SLC7A13: variants seen among roughly 807,000 people sequenced by gnomAD.
SLC7A13 encodes the protein solute carrier family 7 member 13.
SLC7A13 carries 31 observed loss-of-function variants against 32.0 expected under a neutral mutation model. That is an observed-to-expected ratio of 0.97 (90% confidence interval 0.73 to 1.31). The LOEUF is 1.31. SLC7A13 is among the 50% of genes most tolerant of loss of function. The pLI is 0.00. For missense variants in SLC7A13, 633 were observed against 546.9 expected, an observed-to-expected ratio of 1.16 and a Z score of -1.57; for synonymous variants, 232 against 206.9, an observed-to-expected ratio of 1.12 and a Z score of -1.04.
At chr8:86,224,292 T>A (rs976434683) in intron 1 of SLC7A13, among the ~76,000 whole-genome samples, 5 of 152,138 alleles carry the variant, frequency 3.3e-5, no homozygotes, top group African/African-American at 1.2e-4. Context: ...TCTACTCTCT[T>A]ATGTGGAATG....
intron 1 of SLC7A13, among the ~76,000 whole-genome samples, chr8:86,229,191 A>G (rs1297087286): frequency 6.6e-6 from 1 of 152,222 alleles, no homozygotes; most frequent in Admixed American, 6.5e-5. Flanking sequence ...GTAAATAAAA[A>G]TACTTAGAGC....
chr8:86,223,726 A>G (rs1820342842), intron 1 of SLC7A13, among the ~76,000 whole-genome samples: 1 of 151,712 alleles, frequency 6.6e-6, no homozygotes, highest in African/African-American at 2.4e-5. Flanking sequence ...ACATTGCTCC[A>G]TGTGTCAACA....
At chr8:86,222,153 A>G (rs1312573568) in intron 2 of SLC7A13, among the ~76,000 whole-genome samples, 2 of 152,092 alleles carry the variant, frequency 1.3e-5, no homozygotes, top group Admixed American at 6.6e-5. Flanking sequence ...TTATATCAAA[A>G]TCTCCCTTAG....
intron 2 of SLC7A13, among the ~76,000 whole-genome samples, chr8:86,221,908 A>G (rs1820303605): frequency 6.6e-6 from 1 of 152,162 alleles, no homozygotes; most frequent in African/African-American, 2.4e-5. Flanking sequence ...AGCCCCAACC[A>G]CACCCACAAT....
At position 86,229,758 on chromosome 8, in the gene SLC7A13, T is replaced by C. The variant is rs140320705; in HGVS notation, c.520A>G (p.Ile174Val). 6.2e-7 allele frequency: 1 copy of C among 1,614,182 alleles called. No homozygotes were observed. The highest frequency in any genetic ancestry group is 1.1e-5 in the South Asian group (1 of 91,084). Residue 174 changes from isoleucine (I) to valine (V), a missense_variant, in exon 1 of 4, where the codon ATT becomes GTT. By Grantham distance (29) the Ile-to-Val change is conservative. Coordinates refer to ENST00000297524, the MANE Select transcript of SLC7A13 (RefSeq NM_138817.3). ...SVLKVSILSF[I>V]SLTGVVFLIR... Reference sequence around the variant, plus strand: ...AGGAACACTACTCCAGTTAGGGAAATGAAGCTAAGTATGGACACTTTCAGC... The same window carrying C: ...AGGAACACTACTCCAGTTAGGGAAACGAAGCTAAGTATGGACACTTTCAGC...
At position 86,230,237 on chromosome 8, in the gene SLC7A13, C is replaced by A. The variant is rs747518558; in HGVS notation, c.41G>T (p.Gly14Val). 9 of 1,612,488 alleles carry A rather than the reference C, an allele frequency of 5.6e-6. No individual in the cohort carries two copies. The South Asian group carries it at 9.9e-5, about 18-fold the overall frequency. The change falls in exon 1 of 4, where the codon GGA becomes GTA. Residue 14 changes from glycine (G) to valine (V), a missense_variant. Physicochemically the swap from Gly to Val is moderately radical, Grantham distance 109. Transcript: ENST00000297524. ...GEKIQLKRVF[G>V]YWWGTSFLLI... is the part of the protein sequence containing the mutation. ...CAAAAAACTTGTGCCCCACCAATAT[C>A]CAAACACTCTCTTGAGCTGTATTTT...
chr8:86,223,142 A>C (rs755280930), intron 1 of SLC7A13, 39 bp from the exon 2 acceptor site: 1 of 1,519,234 alleles, frequency 6.6e-7, no homozygotes, highest in South Asian at 1.3e-5. Flanking sequence ...ATTGGTAAAC[A>C]TTATTTCTAA....
At chr8:86,219,676 T>C (rs1820255144) in intron 2 of SLC7A13, among the ~76,000 whole-genome samples, 1 of 152,212 alleles carries the variant, frequency 6.6e-6, no homozygotes, top group Non-Finnish European at 1.5e-5. Context: ...TGCTTTTTCA[T>C]GTTCATCTTG....
chr8:86,224,516 C>CA (rs904425671), intron 1 of SLC7A13, among the ~76,000 whole-genome samples: 6 of 152,004 alleles, frequency 3.9e-5, no homozygotes, highest in Admixed American at 6.6e-5. Context: ...ATATTAAGTG[C>CA]AAAAAAAGGC....
At chr8:86,219,187 C>A (rs1253243230) in intron 2 of SLC7A13, among the ~76,000 whole-genome samples, 1 of 152,050 alleles carries the variant, frequency 6.6e-6, no homozygotes, top group Non-Finnish European at 1.5e-5. Context: ...TCCTGGACAC[C>A]CATACCTCCA....
At chr8:86,227,433 A>C (rs1820406421) in intron 1 of SLC7A13, among the ~76,000 whole-genome samples, 2 of 152,236 alleles carry the variant, frequency 1.3e-5, no homozygotes, top group African/African-American at 4.8e-5. Context: ...TTTGAAAATG[A>C]AAAGATGAAA....
At chr8:86,227,053 A>G (rs549717447) in intron 1 of SLC7A13, among the ~76,000 whole-genome samples, 1 of 152,334 alleles carries the variant, frequency 6.6e-6, no homozygotes, top group Admixed American at 6.5e-5. Context: ...GAAAGGAGAA[A>G]ACACTTGCTA....
intron 1 of SLC7A13, among the ~76,000 whole-genome samples, chr8:86,224,420 A>T (rs929378168): frequency 6.6e-6 from 1 of 152,094 alleles, no homozygotes; most frequent in African/African-American, 2.4e-5. Flanking sequence ...CCTATTATAC[A>T]TTTCTCATAC....
In SLC7A13 at chr8:86,217,487, G is replaced by C. The variant is rs747879978; in HGVS notation, c.1162C>G (p.Leu388Val). The part of the protein sequence containing the change: ...ILRRRYQEPN[L>V]SIPYKVFLSF... The stretch of plus-strand genomic sequence containing the variant: ...AATTTTACCTTATAAGGTATAGATA[G>C]ATTGGGTTCCTGGTATCTCCGCCTT... Residue 388 changes from leucine (L) to valine (V), a missense_variant, in exon 3 of 4, where the codon CTA becomes GTA. Coordinates refer to ENST00000297524, the MANE Select transcript of SLC7A13 (RefSeq NM_138817.3). The C allele has an allele frequency of 1.3e-6, 2 of 1,583,282 alleles. No individual in the cohort carries two copies. The highest frequency in any genetic ancestry group is 1.9e-5 in the Admixed American group (1 of 53,986).
intron 3 of SLC7A13, chr8:86,215,472 G>A (rs1375962772): frequency 2.5e-5 from 6 of 237,764 alleles, no homozygotes; most frequent in Non-Finnish European, 5.1e-5. Flanking sequence ...TGGATCACGA[G>A]ATCAGGAGAT....
At chr8:86,224,256 A>G (rs1269272969) in intron 1 of SLC7A13, among the ~76,000 whole-genome samples, 1 of 152,156 alleles carries the variant, frequency 6.6e-6, no homozygotes, top group African/African-American at 2.4e-5. Context: ...TTCCTCAACA[A>G]TGTCCTATCC....
chr8:86,217,001 C>T (rs1820193126), intron 3 of SLC7A13, among the ~76,000 whole-genome samples: 1 of 152,090 alleles, frequency 6.6e-6, no homozygotes, highest in Admixed American at 6.6e-5. Flanking sequence ...GTTTTTTCAT[C>T]CAGACTGAAA....
intron 1 of SLC7A13, among the ~76,000 whole-genome samples, chr8:86,228,206 A>G (rs899234867): frequency 6.6e-6 from 1 of 152,188 alleles, no homozygotes; most frequent in Non-Finnish European, 1.5e-5. Context: ...CACTTCAGTC[A>G]GCTGCCCAGT....
intron 2 of SLC7A13, among the ~76,000 whole-genome samples, chr8:86,218,813 C>T (rs1432213382): frequency 2.0e-5 from 3 of 152,058 alleles, no homozygotes; most frequent in Non-Finnish European, 4.4e-5. Flanking sequence ...ACAGATCACT[C>T]AGTCAGAGAG....
Sources: gnomAD v4.1 joint callset for allele counts (sites outside exome capture counted in the v4.1 genomes callset) on GRCh38, gnomAD v4.1.1 for gene constraint, MANE v1.5 for transcripts, NCBI Gene and HGNC (gene_info 2026-07-23, HGNC 2026-07-21) for gene names.